The following GRAMD4 variants were observed in gnomAD, a reference collection of about 807,000 sequenced individuals.
The protein encoded by GRAMD4 is GRAM domain-containing protein 4.
GRAMD4 carries 25 observed loss-of-function variants against 83.9 expected under a neutral mutation model. That is an observed-to-expected ratio of 0.30 (90% confidence interval 0.22 to 0.42). The LOEUF is 0.42. Ranked by LOEUF, GRAMD4 falls within the 10% of genes least tolerant of loss-of-function variation. The pLI is 1.00. For synonymous variants in GRAMD4, 336 were observed against 320.9 expected (o/e 1.05, Z -0.50); for missense variants, 593 against 788.7 (o/e 0.75, Z 2.97).
chr22:46,673,848 C>A, intron 15 of GRAMD4, 34 bp downstream of exon 15: 1 of 1,609,326 alleles, frequency 6.2e-7, no homozygotes, highest in Non-Finnish European at 8.5e-7. Context: ...CCAGGCCGAG[C>A]GCCGACACAG....
intron 3 of GRAMD4, among the ~76,000 whole-genome samples, chr22:46,645,075 T>C (rs2082055096): frequency 2.0e-5 from 3 of 151,888 alleles, no homozygotes; most frequent in Non-Finnish European, 1.5e-5. Flanking sequence ...ACAGTTGTAC[T>C]GTCTCCAGGA....
intron 1 of GRAMD4, among the ~76,000 whole-genome samples, chr22:46,584,292 A>C (rs28614771): frequency 0.022 from 3,388 of 152,030 alleles, 126 homozygotes; most frequent in African/African-American, 0.076. Flanking sequence ...GCTCATCACT[A>C]CCGGGGTGTC....
At chr22:46,673,902 C>T (rs2082553803) in intron 15 of GRAMD4, 88 bp downstream of exon 15, 4 of 1,433,180 alleles carry the variant, frequency 2.8e-6, no homozygotes, top group East Asian at 2.3e-5. Context: ...AGGACGGGGT[C>T]GCCCTGTGAC....
In GRAMD4 at chr22:46,665,698, C is replaced by G. The variant is rs1449027030; in HGVS notation, c.801C>G (p.Leu267=). The G allele has an allele frequency of 6.4e-7, 1 of 1,561,544 alleles. No individual in the cohort carries two copies. Among genetic ancestry groups the G allele is most frequent in the Non-Finnish European group, 8.8e-7 (1 of 1,132,692 alleles). The change falls in exon 9 of 19, where the codon CTC becomes CTG. Residue 267 remains leucine (L), a synonymous_variant. Coordinates refer to ENST00000406902, the MANE Select transcript of GRAMD4 (RefSeq NM_015124.5). ...LAILRLSLNY[L]IARGWRIQWS... ...TTCTGAGGTTATCCCTCAATTACCT[C>G]ATCGCCAGGTAGGTGAGCCGGTTTG...
At chr22:46,667,538 G>A (rs2082429000) in intron 10 of GRAMD4, among the ~76,000 whole-genome samples, 1 of 152,236 alleles carries the variant, frequency 6.6e-6, no homozygotes, top group African/African-American at 2.4e-5. Flanking sequence ...ACAGAAGTCT[G>A]CTCTAGAGGG....
chr22:46,676,557 C>T (rs761737450), intron 17 of GRAMD4, 43 bp from the exon 18 acceptor site: 7 of 1,527,166 alleles, frequency 4.6e-6, no homozygotes, highest in East Asian at 2.5e-5. Flanking sequence ...GCCTCCCTGT[C>T]CCCAGGAGAG....
intron 1 of GRAMD4, among the ~76,000 whole-genome samples, chr22:46,585,371 G>A (rs1362771152): frequency 6.6e-6 from 1 of 152,050 alleles, no homozygotes; most frequent in African/African-American, 2.4e-5. Flanking sequence ...TGTATTTTTA[G>A]TAGAGTCGGA....
At chr22:46,662,776 G>A (rs1469958841) in intron 5 of GRAMD4, among the ~76,000 whole-genome samples, 2 of 152,222 alleles carry the variant, frequency 1.3e-5, no homozygotes, top group Non-Finnish European at 2.9e-5. Context: ...GAAAAGCAGA[G>A]AGACCCGGCA....
chr22:46,677,640 G>A lies in GRAMD4; in HGVS notation c.*389G>A. Reference sequence around the variant, plus strand: ...TCGCAACCTTGTGTCCCGCTCTCCAGAGGCCAGAAGCTCGTCCACCACCAA... The same window carrying A: ...TCGCAACCTTGTGTCCCGCTCTCCAAAGGCCAGAAGCTCGTCCACCACCAA... On this transcript the variant is annotated 3_prime_UTR_variant, in exon 19 of 19. Transcript: ENST00000406902. 3.0e-6 allele frequency: 3 copies of A among 1,000,552 alleles called. No homozygotes were observed. The highest frequency in any genetic ancestry group is 3.6e-6 in the Non-Finnish European group (3 of 839,306). The allele number at this position is 1,000,552 out of a possible 1,614,324, so 62.0% of individuals were successfully genotyped here. A position where few individuals can be genotyped will look rare whatever the true frequency, so the allele number is the denominator to read the frequency against.
rs1306788988 is a variant in GRAMD4, at chr22:46,672,058, A to G, written c.1085-785A>G. Among the ~76,000 whole-genome samples the G allele has an allele frequency of 1.3e-5, 2 of 152,242 alleles. No homozygotes were observed. The highest frequency in any genetic ancestry group is 2.9e-5 in the Non-Finnish European group (2 of 68,038). On this transcript the variant is annotated intron_variant, in intron 13 of 18. Coordinates refer to ENST00000406902, the MANE Select transcript of GRAMD4 (RefSeq NM_015124.5). The surrounding 1 kb of genome is among the most constrained non-coding windows in gnomAD (Gnocchi z 4.7). ...GGCTGTGCACTGGGGGCAGCGAGACAGCCCCCAGCACTGGGAGGGGCACCC... is the reference window on the plus strand; with the variant it reads ...GGCTGTGCACTGGGGGCAGCGAGACGGCCCCCAGCACTGGGAGGGGCACCC...
chr22:46,614,896 C>CCCCTGTGCGTGTGGGTTCCCCCGT (rs1601561537), intron 1 of GRAMD4, among the ~76,000 whole-genome samples: 1 of 9,448 alleles, frequency 1.1e-4, no homozygotes. Flanking sequence ...TTCCCCTGTG[C>CCCCTGTGCGTGTGGGTTCCCCCGT]ATGTAGGTTC....
intron 1 of GRAMD4, among the ~76,000 whole-genome samples, chr22:46,595,257 C>G (rs887479501): frequency 2.0e-5 from 3 of 152,180 alleles, no homozygotes; most frequent in Non-Finnish European, 4.4e-5. Context: ...CGGGTCTGCA[C>G]GCCTCAGGGT....
At chr22:46,580,538 C>G (rs1265110264) in intron 1 of GRAMD4, among the ~76,000 whole-genome samples, 1 of 152,202 alleles carries the variant, frequency 6.6e-6, no homozygotes, top group Non-Finnish European at 1.5e-5. Context: ...CAGGCCTAAC[C>G]CAGCCCAGCG....
chr22:46,603,666 A>G (rs183318406), intron 1 of GRAMD4, among the ~76,000 whole-genome samples: 16 of 148,440 alleles, frequency 1.1e-4, no homozygotes, highest in East Asian at 6.1e-4. Flanking sequence ...ACAGGCGCCC[A>G]CCACCACGCC....
intron 3 of GRAMD4, among the ~76,000 whole-genome samples, chr22:46,648,847 CATGGATGGATGGATGCATGG>C (rs2082118989): frequency 1.2e-4 from 2 of 17,106 alleles, no homozygotes; most frequent in African/African-American, 4.0e-4. Flanking sequence ...TGGATGGATG[CATGGATGGATGGATGCATGG>C]ATGGATGGAT....
Position 46,677,481 on chromosome 22 carries a change from G to A in GRAMD4, c.*230G>A. Reference sequence around the variant, plus strand: ...CCCACAGGGCACGTCAGGTGCCTCTGAGGGCCACCCGCAGACTGGGGGAGG... The same window carrying A: ...CCCACAGGGCACGTCAGGTGCCTCTAAGGGCCACCCGCAGACTGGGGGAGG... On this transcript the variant is annotated 3_prime_UTR_variant, in exon 19 of 19. Coordinates refer to ENST00000406902, the MANE Select transcript of GRAMD4 (RefSeq NM_015124.5). 7.7e-7 allele frequency: 1 copy of A among 1,299,198 alleles called. No individual in the cohort carries two copies. The highest frequency in any genetic ancestry group is 9.8e-7 in the Non-Finnish European group (1 of 1,020,852). The allele number at this position is 1,299,198 out of a possible 1,614,324, so 80.5% of individuals were successfully genotyped here.
intron 3 of GRAMD4, among the ~76,000 whole-genome samples, chr22:46,656,862 G>A (rs1388558590): frequency 6.6e-6 from 1 of 152,248 alleles, no homozygotes; most frequent in Non-Finnish European, 1.5e-5. Flanking sequence ...AGTGTGGTCT[G>A]TGCAGTTGAA....
At chr22:46,577,187 C>A in exon 1 of GRAMD4, 2 of 695,334 alleles carry the variant, frequency 2.9e-6, no homozygotes, top group Non-Finnish European at 3.5e-6. Context: ...GGCTCCCCGG[C>A]GCCGCTGGGC....
At chr22:46,630,615 T>A (rs1569273469) in intron 2 of GRAMD4, among the ~76,000 whole-genome samples, 1 of 152,210 alleles carries the variant, frequency 6.6e-6, no homozygotes, top group Non-Finnish European at 1.5e-5. Context: ...CCCCTCTCAG[T>A]GCTCCAGGAG....
Sources: gnomAD v4.1 joint callset for allele counts (sites outside exome capture counted in the v4.1 genomes callset) on GRCh38, gnomAD v4.1.1 for gene constraint, Gnocchi (gnomAD v3.1) non-coding constraint, MANE v1.5 for transcripts, NCBI Gene and HGNC (gene_info 2026-07-23, HGNC 2026-07-21) for gene names.